The following HS2ST1 variants were observed in gnomAD, a reference collection of about 807,000 sequenced individuals.
HS2ST1 encodes the protein 2-O-sulfotransferase.
Under a neutral mutation model 42.9 loss-of-function variants are expected in HS2ST1, and 18 were observed. That is an observed-to-expected ratio of 0.42 (90% CI 0.29 to 0.62). The LOEUF (loss-of-function observed/expected upper bound fraction) is 0.62. Among genes scored for constraint, HS2ST1 ranks in the 20% least tolerant of loss-of-function variants. HS2ST1 has a pLI of 0.21. For missense variants in HS2ST1, 334 were observed against 433.8 expected (o/e 0.77, Z 2.04); for synonymous variants, 146 against 152.9 (o/e 0.95, Z 0.33).
At chr1:86,994,245 T>C (rs998227847) in intron 1 of HS2ST1, among the ~76,000 whole-genome samples, 2 of 152,238 alleles carry the variant, frequency 1.3e-5, no homozygotes, top group Non-Finnish European at 2.9e-5. Flanking sequence ...TATGATTGCA[T>C]TTCCTCCTGA....
intron 1 of HS2ST1, among the ~76,000 whole-genome samples, chr1:87,017,071 G>A (rs1037607297): frequency 2.0e-5 from 3 of 152,090 alleles, no homozygotes; most frequent in African/African-American, 7.2e-5. Context: ...GGCTGAGGCT[G>A]TAAAATTAAG....
chr1:87,003,092 G>GC (rs1477003294), intron 1 of HS2ST1, among the ~76,000 whole-genome samples: 1 of 152,260 alleles, frequency 6.6e-6, no homozygotes, highest in Non-Finnish European at 1.5e-5. Context: ...CTAGAAGATG[G>GC]CGTCTGTAAT....
At chr1:86,949,354 C>T (rs981026144) in intron 1 of HS2ST1, among the ~76,000 whole-genome samples, 3 of 152,216 alleles carry the variant, frequency 2.0e-5, no homozygotes, top group Non-Finnish European at 4.4e-5. Context: ...AGTGATCTGC[C>T]GGCCTTGGCG....
At chr1:86,997,614 GATTAA>G (rs993303528) in intron 1 of HS2ST1, among the ~76,000 whole-genome samples, 20 of 152,264 alleles carry the variant, frequency 1.3e-4, no homozygotes, top group African/African-American at 4.8e-4. Flanking sequence ...AGGTATTTGA[GATTAA>G]ATTAAGAAAA....
At chr1:87,026,885 G>GGGAA (rs1650101257) in intron 1 of HS2ST1, among the ~76,000 whole-genome samples, 1 of 151,966 alleles carries the variant, frequency 6.6e-6, no homozygotes, top group African/African-American at 2.4e-5. Context: ...GAATTGTAAG[G>GGGAA]GGACCCATTC....
In HS2ST1 at chr1:87,107,710, C is replaced by T. The variant is rs1488494886; in HGVS notation, c.*3014C>T. On this transcript the variant is annotated 3_prime_UTR_variant, in exon 7 of 7. Coordinates refer to ENST00000370550, the MANE Select transcript of HS2ST1 (RefSeq NM_012262.4). ...CTTTCTGTTCAACTTGTATCAACTCCTCTTTTCTAATTGCTGTGAAATGGC... is the reference window on the plus strand; with the variant it reads ...CTTTCTGTTCAACTTGTATCAACTCTTCTTTTCTAATTGCTGTGAAATGGC... The T allele has an allele frequency of 3.3e-5, 5 of 151,714 alleles. No individual in the cohort carries two copies. Among genetic ancestry groups the T allele is most frequent in the African/African-American group, 1.2e-4 (5 of 41,332 alleles). The allele number at this position is 151,714 out of a possible 1,614,324, so 9.4% of individuals were successfully genotyped here. A position where few individuals can be genotyped will look rare whatever the true frequency, so the allele number is the denominator to read the frequency against.
intron 1 of HS2ST1, among the ~76,000 whole-genome samples, chr1:87,067,288 G>C (rs78086066): frequency 6.6e-6 from 1 of 152,094 alleles, no homozygotes; most frequent in South Asian, 2.1e-4. Context: ...ATGGTATCTT[G>C]TTGTGGTTTT....
intron 1 of HS2ST1, chr1:87,045,670 T>C (rs1185649820): frequency 7.7e-6 from 6 of 776,106 alleles, no homozygotes; most frequent in Non-Finnish European, 1.4e-5. Flanking sequence ...AACCCAGCAA[T>C]CACTGCATTA....
At chr1:87,050,765 C>T (rs992726984) in intron 1 of HS2ST1, among the ~76,000 whole-genome samples, 1 of 152,094 alleles carries the variant, frequency 6.6e-6, no homozygotes, top group Non-Finnish European at 1.5e-5. Context: ...GGTCAGAAAT[C>T]ATGGTCCTGC....
At chr1:87,087,605 A>G (rs1203119476) in intron 3 of HS2ST1, among the ~76,000 whole-genome samples, 4 of 152,256 alleles carry the variant, frequency 2.6e-5, no homozygotes, top group South Asian at 4.1e-4. Flanking sequence ...AAGTGACAAC[A>G]TTTTAGGCCT....
At chr1:87,004,931 A>C (rs1316724276) in intron 1 of HS2ST1, among the ~76,000 whole-genome samples, 1 of 152,240 alleles carries the variant, frequency 6.6e-6, no homozygotes, top group Non-Finnish European at 1.5e-5. Flanking sequence ...ATTTTTAATT[A>C]GGTCATCCTT....
intron 1 of HS2ST1, among the ~76,000 whole-genome samples, chr1:86,952,757 T>C (rs1006749869): frequency 6.6e-6 from 1 of 152,156 alleles, no homozygotes; most frequent in Non-Finnish European, 1.5e-5. Context: ...GTAAACCGGG[T>C]GGTAAACTGA....
intron 1 of HS2ST1, among the ~76,000 whole-genome samples, chr1:86,953,725 C>T (rs996814206): frequency 6.6e-6 from 1 of 152,078 alleles, no homozygotes; most frequent in African/African-American, 2.4e-5. Flanking sequence ...CACCACTGCA[C>T]TCCATCCTGG....
At chr1:87,094,140 A>G (rs145368070) in intron 4 of HS2ST1, among the ~76,000 whole-genome samples, 1 of 152,090 alleles carries the variant, frequency 6.6e-6, no homozygotes, top group East Asian at 1.9e-4. Flanking sequence ...TTTTAGCCCT[A>G]CTTACACTAA....
intron 1 of HS2ST1, among the ~76,000 whole-genome samples, chr1:86,972,941 A>G (rs1399729635): frequency 6.6e-6 from 1 of 152,204 alleles, no homozygotes; most frequent in Non-Finnish European, 1.5e-5. Context: ...GAGTTTGTAC[A>G]ATGTGCTCTC....
At chr1:87,028,406 T>C (rs564389871) in intron 1 of HS2ST1, among the ~76,000 whole-genome samples, 1 of 152,368 alleles carries the variant, frequency 6.6e-6, no homozygotes, top group Non-Finnish European at 1.5e-5. Flanking sequence ...AAAATAGTTT[T>C]ACTGTCTTAA....
At chr1:86,987,894 G>T (rs1260581197) in intron 1 of HS2ST1, among the ~76,000 whole-genome samples, 1 of 152,154 alleles carries the variant, frequency 6.6e-6, no homozygotes, top group South Asian at 2.1e-4. Flanking sequence ...GTAAGAAATT[G>T]GGGCTGTTTT....
intron 1 of HS2ST1, among the ~76,000 whole-genome samples, chr1:86,995,499 G>A (rs1649071956): frequency 6.6e-6 from 1 of 152,128 alleles, no homozygotes; most frequent in Admixed American, 6.5e-5. Flanking sequence ...AGAGAGAAAG[G>A]GGATTAGATG....
intron 1 of HS2ST1, among the ~76,000 whole-genome samples, chr1:86,991,442 T>C (rs1648950416): frequency 6.6e-6 from 1 of 152,210 alleles, no homozygotes; most frequent in Admixed American, 6.5e-5. Context: ...GTTTGCCTTA[T>C]GTGAACAGGG....
Sources: gnomAD v4.1 joint callset for allele counts (sites outside exome capture counted in the v4.1 genomes callset) on GRCh38, gnomAD v4.1.1 for gene constraint, MANE v1.5 for transcripts, NCBI Gene and HGNC (gene_info 2026-07-23, HGNC 2026-07-21) for gene names.